LPAR3: variants seen among roughly 807,000 people sequenced by gnomAD.
The protein encoded by LPAR3 is lysophosphatidic acid receptor 3.
Under a neutral mutation model 17.8 loss-of-function variants are expected in LPAR3, and 7 were observed. That is an observed-to-expected ratio of 0.39 (90% confidence interval 0.22 to 0.74). LPAR3 has a LOEUF of 0.74. LPAR3 is among the 30% of genes least tolerant of loss of function. The pLI is 0.40. For missense variants in LPAR3, 391 were observed against 453.4 expected (o/e 0.86, Z 1.25); for synonymous variants, 179 against 179.9 (o/e 0.99, Z 0.04).
chr1:84,867,032 T>C (rs1266614698), intron 1 of LPAR3, among the ~76,000 whole-genome samples: 1 of 152,150 alleles, frequency 6.6e-6, no homozygotes, highest in Non-Finnish European at 1.5e-5. Flanking sequence ...AACATATCTA[T>C]TAAGTGAGGG....
chr1:84,886,374 A>T (rs74549225), intron 1 of LPAR3, among the ~76,000 whole-genome samples: 2,439 of 152,212 alleles, frequency 0.016, 68 homozygotes, highest in African/African-American at 0.055. Flanking sequence ...AATATTTTTT[A>T]AATTAGCCGG....
At chr1:84,858,969 G>A (rs1659883004) in intron 2 of LPAR3, among the ~76,000 whole-genome samples, 1 of 152,186 alleles carries the variant, frequency 6.6e-6, no homozygotes, top group Non-Finnish European at 1.5e-5. Context: ...TTCCCAGGCA[G>A]AACTAGGGGA....
At chr1:84,886,616 A>G (rs1462163948) in intron 1 of LPAR3, among the ~76,000 whole-genome samples, 4 of 152,232 alleles carry the variant, frequency 2.6e-5, no homozygotes, top group Non-Finnish European at 4.4e-5. Context: ...AAGAAAGGTA[A>G]CTATGATGGG....
At chr1:84,890,807 C>A (rs570930997) in intron 1 of LPAR3, among the ~76,000 whole-genome samples, 2 of 152,094 alleles carry the variant, frequency 1.3e-5, no homozygotes, top group Non-Finnish European at 2.9e-5. Flanking sequence ...AAATAAGAGG[C>A]GGGTCTTAAG....
intron 2 of LPAR3, among the ~76,000 whole-genome samples, chr1:84,851,346 C>T (rs1354541489): frequency 6.6e-6 from 1 of 152,166 alleles, no homozygotes; most frequent in East Asian, 1.9e-4. Flanking sequence ...CCTCCACTAA[C>T]TGCCAGTTCC....
chr1:84,844,478 A>T (rs1659561844), intron 2 of LPAR3, among the ~76,000 whole-genome samples: 1 of 152,214 alleles, frequency 6.6e-6, no homozygotes, highest in Non-Finnish European at 1.5e-5. Flanking sequence ...AAAATTTTAA[A>T]CATGCATTTT....
intron 2 of LPAR3, among the ~76,000 whole-genome samples, chr1:84,833,609 C>T (rs759906227): frequency 7.2e-5 from 11 of 152,186 alleles, no homozygotes; most frequent in Non-Finnish European, 1.0e-4. Context: ...GTTTTAGCAG[C>T]GTGGCTTCTA....
intron 2 of LPAR3, among the ~76,000 whole-genome samples, chr1:84,844,131 GCCCATTGCAGA>G (rs1489744594): frequency 6.6e-6 from 1 of 152,192 alleles, no homozygotes; most frequent in African/African-American, 2.4e-5. Context: ...ACAGGGCCTG[GCCCATTGCAGA>G]CCTCAGCAAA....
intron 2 of LPAR3, among the ~76,000 whole-genome samples, chr1:84,859,483 A>G (rs571685318): frequency 1.3e-5 from 2 of 152,346 alleles, no homozygotes; most frequent in East Asian, 1.9e-4. Context: ...GCAGAAAAAT[A>G]AACCTTGACC....
At chr1:84,854,006 C>T (rs890634688) in intron 2 of LPAR3, among the ~76,000 whole-genome samples, 2 of 152,206 alleles carry the variant, frequency 1.3e-5, no homozygotes, top group Non-Finnish European at 2.9e-5. Flanking sequence ...CTTATATCCA[C>T]TCCAGACCCA....
intron 2 of LPAR3, among the ~76,000 whole-genome samples, chr1:84,841,044 A>G (rs1210049388): frequency 2.6e-5 from 4 of 152,226 alleles, no homozygotes. Flanking sequence ...GCTCACTGGA[A>G]TTTCCTTGTG....
intron 2 of LPAR3, among the ~76,000 whole-genome samples, chr1:84,826,872 T>C (rs1319073545): frequency 6.6e-6 from 1 of 152,234 alleles, no homozygotes; most frequent in Non-Finnish European, 1.5e-5. Flanking sequence ...TTCTTTTAAG[T>C]AATACATCTT....
At chr1:84,864,589 C>G (rs897096627) in intron 2 of LPAR3, among the ~76,000 whole-genome samples, 2 of 152,076 alleles carry the variant, frequency 1.3e-5, no homozygotes, top group African/African-American at 4.8e-5. Context: ...TGAGACTGGC[C>G]CAGCCAACAT....
chr1:84,881,326 T>C (rs1207340407), intron 1 of LPAR3, among the ~76,000 whole-genome samples: 1 of 152,174 alleles, frequency 6.6e-6, no homozygotes, highest in Admixed American at 6.5e-5. Flanking sequence ...ACACTGCTGA[T>C]CTGGCCAGAA....
chr1:84,824,798 A>G (rs1436822784), intron 2 of LPAR3, among the ~76,000 whole-genome samples: 1 of 152,174 alleles, frequency 6.6e-6, no homozygotes, highest in Admixed American at 6.5e-5. Context: ...GTGTGCCCAC[A>G]CATGTGTGCG....
intron 2 of LPAR3, among the ~76,000 whole-genome samples, chr1:84,826,649 A>G (rs943363968): frequency 6.6e-6 from 1 of 151,984 alleles, no homozygotes; most frequent in African/African-American, 2.4e-5. Flanking sequence ...AACACTATGC[A>G]TAGTATGATT....
At position 84,872,573 on chromosome 1, in the gene LPAR3, T is replaced by C. The variant is rs578212920; in HGVS notation, c.-18-6435A>G. ...AGTAGTACTGGATTATAACCCGAAG[T>C]ATAAACATCCATGAGTCCATACTGA... is the stretch of plus-strand genomic sequence containing the variant. On this transcript the variant is annotated intron_variant, in intron 1 of 2. Coordinates refer to ENST00000370611, the MANE Select transcript of LPAR3 (RefSeq NM_012152.3). 2.3e-4 allele frequency among the ~76,000 whole-genome samples: 35 copies of C among 152,198 alleles called. No individual in the cohort carries two copies. In the Middle Eastern group the frequency reaches 0.01, roughly 44 times the overall value.
Position 84,813,394 on chromosome 1 carries a change from C to A in LPAR3, c.*452G>T, listed in dbSNP as rs9729018. The A allele has an allele frequency of 6.6e-6, 1 of 152,536 alleles. No homozygotes were observed. The highest frequency in any genetic ancestry group is 2.4e-5 in the African/African-American group (1 of 41,274). The allele number at this position is 152,536 out of a possible 1,614,324, so 9.4% of individuals were successfully genotyped here. A position where few individuals can be genotyped will look rare whatever the true frequency, so the allele number is the denominator to read the frequency against. On this transcript the variant is annotated 3_prime_UTR_variant, in exon 3 of 3. Transcript: ENST00000370611. ...GCCATGGTTTCTTTGAGGAAAAAAA[C>A]ACCATTGCTGAAGCATTTCTAAACA...
chr1:84,871,353 C>T (rs1660156220), intron 1 of LPAR3, among the ~76,000 whole-genome samples: 1 of 152,174 alleles, frequency 6.6e-6, no homozygotes, highest in Admixed American at 6.5e-5. Context: ...GTCCAGCCAG[C>T]CCAGAATGTG....
Sources: allele counts gnomAD v4.1 joint callset (sites outside exome capture counted in the v4.1 genomes callset), GRCh38; gene constraint gnomAD v4.1.1; transcripts MANE v1.5; gene names NCBI Gene and HGNC (gene_info 2026-07-23, HGNC 2026-07-21).